Variants in ATXN2 observed in about 807,000 individuals in gnomAD.
ATXN2 encodes the protein ataxin-2.
ATXN2 carries 37 observed loss-of-function variants against 138.6 expected under a neutral mutation model. The observed-to-expected ratio is 0.27, with a 90% CI of 0.21 to 0.35. The LOEUF (loss-of-function observed/expected upper bound fraction) is 0.35, where lower values mean the gene tolerates loss of function less well. Among genes scored for constraint, ATXN2 ranks in the 10% least tolerant of loss-of-function variants. The pLI, the probability that ATXN2 is intolerant of heterozygous loss-of-function variation, is 1.00. For synonymous variants in ATXN2, 549 were observed against 543.7 expected (o/e 1.01, Z -0.13); for missense variants, 1,216 against 1,480.3 (o/e 0.82, Z 2.93).
At position 111,514,577 on chromosome 12, in the gene ATXN2, T is replaced by G. The variant is rs180846473; in HGVS notation, c.1376-1038A>C. 9.8e-3 allele frequency among the ~76,000 whole-genome samples: 1,499 copies of G among 152,284 alleles called. 85 individuals are homozygous for G. The highest frequency in any genetic ancestry group is 0.087 in the Admixed American group (1,328 of 15,292). ...TCTGTCTCTGTCGCCCAGGCTGGAG[T>G]GCAGTGGTACGATCTCAACTCACTG... On this transcript the variant is annotated intron_variant, in intron 10 of 24. Transcript: ENST00000673436.
chr12:111,548,392 A>G (rs966213870), intron 5 of ATXN2, among the ~76,000 whole-genome samples: 3 of 152,248 alleles, frequency 2.0e-5, no homozygotes, highest in African/African-American at 7.2e-5. Flanking sequence ...TATCTACTAC[A>G]GAAACAACTT....
intron 5 of ATXN2, among the ~76,000 whole-genome samples, chr12:111,547,123 C>T (rs1881837462): frequency 1.3e-5 from 2 of 152,222 alleles, no homozygotes; most frequent in South Asian, 2.1e-4. Flanking sequence ...ACTGACCTTA[C>T]TCATGTTAAA....
intron 1 of ATXN2, among the ~76,000 whole-genome samples, chr12:111,589,141 C>A (rs778024036): frequency 6.7e-6 from 1 of 148,152 alleles, no homozygotes; most frequent in South Asian, 2.1e-4. Flanking sequence ...ATGATGAAAC[C>A]CCATCTCTAC....
chr12:111,593,769 G>C (rs547666248), intron 1 of ATXN2, among the ~76,000 whole-genome samples: 111 of 152,264 alleles, frequency 7.3e-4, no homozygotes, highest in Middle Eastern at 3.4e-3. Context: ...GTTAGTAATA[G>C]CCATCTACAA....
At chr12:111,469,532 AC>A (rs1876257910) in intron 20 of ATXN2, 1 of 152,344 alleles carries the variant, frequency 6.6e-6, no homozygotes, top group Non-Finnish European at 1.5e-5. Flanking sequence ...TACATAAAAT[AC>A]TTCTCATTTT....
chr12:111,586,388 GTTTTTTTTTTTT>G (rs759694846), intron 1 of ATXN2, among the ~76,000 whole-genome samples: 1 of 114,866 alleles, frequency 8.7e-6, no homozygotes, highest in Non-Finnish European at 1.9e-5. Context: ...CCCAAGTCTG[GTTTTTTTTTTTT>G]TTTTTTTTTT....
chr12:111,477,572 G>C (rs1876912581), intron 18 of ATXN2, among the ~76,000 whole-genome samples: 1 of 151,998 alleles, frequency 6.6e-6, no homozygotes, highest in African/African-American at 2.4e-5. Flanking sequence ...TGAACCTTAA[G>C]AGAAAAGCTT....
chr12:111,563,795 AAAT>A (rs1218654756), intron 1 of ATXN2, among the ~76,000 whole-genome samples: 1 of 152,184 alleles, frequency 6.6e-6, no homozygotes, highest in Admixed American at 6.5e-5. Context: ...GGCATTTTTT[AAAT>A]AATAATACTT....
intron 21 of ATXN2, among the ~76,000 whole-genome samples, chr12:111,463,777 G>A (rs929838808): frequency 6.6e-6 from 1 of 151,912 alleles, no homozygotes; most frequent in African/African-American, 2.4e-5. Context: ...TATCCTGAGG[G>A]GTCTGCTTCC....
intron 1 of ATXN2, among the ~76,000 whole-genome samples, chr12:111,580,139 C>T (rs962365895): frequency 1.3e-5 from 2 of 151,962 alleles, no homozygotes; most frequent in African/African-American, 2.4e-5. Flanking sequence ...GACCAATGCT[C>T]CTCTCTGCAG....
Position 111,598,576 on chromosome 12 carries a change from G to C in ATXN2, c.251+208C>G. 1 of 984,372 alleles carries C rather than the reference G, an allele frequency of 1.0e-6. No individual in the cohort carries two copies. Among genetic ancestry groups the C allele is most frequent in the African/African-American group, 1.7e-5 (1 of 57,268 alleles). The allele number at this position is 984,372 out of a possible 1,614,324, so 61.0% of individuals were successfully genotyped here. A position where few individuals can be genotyped will look rare whatever the true frequency, so the allele number is the denominator to read the frequency against. On this transcript the variant is annotated intron_variant, in intron 1 of 24. Transcript: ENST00000673436. This position sits in a 1 kb window ranked among gnomAD's most constrained non-coding sequence, Gnocchi z 4.5. ...GGGAGGGGGCGGGGATGCTGCGGGA[G>C]GCTGGACAGGCCTGACAATCCCAGA...
At position 111,565,798 on chromosome 12, in the gene ATXN2, C is replaced by A. The variant is rs371583246; in HGVS notation, c.252-9879G>T. Among the ~76,000 whole-genome samples the A allele has an allele frequency of 1.2e-4, 19 of 152,058 alleles. No individual in the cohort carries two copies. The East Asian group carries it at 1.9e-3, about 15-fold the overall frequency. On this transcript the variant is annotated intron_variant, in intron 1 of 24. Transcript: ENST00000673436. ...ATCACTTGAAGCCAGGAGTTCGAGC[C>A]CAGCCTGGCCAACATCGTGAAACCC... is the stretch of plus-strand genomic sequence containing the variant.
intron 14 of ATXN2, among the ~76,000 whole-genome samples, chr12:111,501,750 A>AT (rs947653333): frequency 1.3e-5 from 2 of 152,230 alleles, no homozygotes; most frequent in Non-Finnish European, 2.9e-5. Context: ...GGCGATCCAC[A>AT]TAACAGACCA....
At chr12:111,508,441 CTTTT>C (rs66643315) in intron 14 of ATXN2, among the ~76,000 whole-genome samples, 3 of 85,648 alleles carry the variant, frequency 3.5e-5, no homozygotes, top group South Asian at 9.1e-4. Context: ...AATTGAAAAA[CTTTT>C]TTTTTTTTTT....
At chr12:111,466,273 C>T (rs906119404) in intron 20 of ATXN2, among the ~76,000 whole-genome samples, 14 of 151,516 alleles carry the variant, frequency 9.2e-5, no homozygotes, top group African/African-American at 3.1e-4. Flanking sequence ...CTGAGGCAGG[C>T]GGATCACGAG....
chr12:111,491,104 T>A (rs558482289), intron 14 of ATXN2, among the ~76,000 whole-genome samples: 2 of 152,000 alleles, frequency 1.3e-5, no homozygotes, highest in East Asian at 1.9e-4. Context: ...AACAAAAAAA[T>A]TAGCCAGAGG....
Position 111,552,756 on chromosome 12 carries a change from C to A in ATXN2, c.420+150G>T, listed in dbSNP as rs1284193817. On this transcript the variant is annotated intron_variant, in intron 4 of 24. Transcript: ENST00000673436. The surrounding 1 kb of genome is among the most constrained non-coding windows in gnomAD (Gnocchi z 4.1). Reference sequence around the variant, plus strand: ...TTTAATAAGCACACACATCAAGAAGCCTCTCTGATTACACAAACCAGTCTA... The same window carrying A: ...TTTAATAAGCACACACATCAAGAAGACTCTCTGATTACACAAACCAGTCTA... 2 of 585,028 alleles carry A rather than the reference C, an allele frequency of 3.4e-6. No individual in the cohort carries two copies. The highest frequency in any genetic ancestry group is 5.7e-6 in the Non-Finnish European group (2 of 348,072). 36.2% of individuals were successfully genotyped at this position (585,028 alleles called of 1,614,324 possible).
intron 20 of ATXN2, among the ~76,000 whole-genome samples, chr12:111,467,717 A>G (rs1876123093): frequency 6.6e-6 from 1 of 152,084 alleles, no homozygotes; most frequent in African/African-American, 2.4e-5. Context: ...AACATTTCCT[A>G]TTTGCCCACA....
intron 14 of ATXN2, among the ~76,000 whole-genome samples, chr12:111,494,119 G>A (rs1454177654): frequency 1.3e-5 from 2 of 151,496 alleles, no homozygotes; most frequent in Non-Finnish European, 2.9e-5. Flanking sequence ...TAGTAGAGAG[G>A]GGGTTTTGCC....
Sources: gnomAD v4.1 joint callset for allele counts (sites outside exome capture counted in the v4.1 genomes callset) on GRCh38, gnomAD v4.1.1 for gene constraint, Gnocchi (gnomAD v3.1) non-coding constraint, MANE v1.5 for transcripts, NCBI Gene and HGNC (gene_info 2026-07-23, HGNC 2026-07-21) for gene names.